GALNT17: variants seen among roughly 807,000 people sequenced by gnomAD.
The protein encoded by GALNT17 is UDP-GalNAc:polypeptide N-acetylgalactosaminyltransferase-like 3.
A neutral mutation model predicts 63.7 loss-of-function variants in GALNT17; 29 were observed. The ratio of observed to expected loss-of-function variants is 0.46; its 90% CI spans 0.34 to 0.62. GALNT17 has a LOEUF of 0.62. GALNT17 is among the 20% of genes least tolerant of loss of function. The probability of loss-of-function intolerance (pLI) is 0.01; values close to 1 mark genes in which losing one functional copy is unlikely to be tolerated. For missense variants in GALNT17, 603 were observed against 799.6 expected (o/e 0.75, Z 2.97); for synonymous variants, 305 against 318.3 (o/e 0.96, Z 0.45).
chr7:71,325,256 G>A (rs963109415), intron 1 of GALNT17, among the ~76,000 whole-genome samples: 1 of 152,184 alleles, frequency 6.6e-6, no homozygotes, highest in African/African-American at 2.4e-5. Flanking sequence ...CTAGCATAAG[G>A]TAGGATCTCC....
intron 5 of GALNT17, among the ~76,000 whole-genome samples, chr7:71,469,367 C>A (rs949630650): frequency 2.6e-5 from 4 of 152,198 alleles, no homozygotes; most frequent in African/African-American, 9.7e-5. Context: ...TGGCCTAGGA[C>A]TGGTCACGGA....
At chr7:71,500,366 A>T (rs954276524) in intron 5 of GALNT17, among the ~76,000 whole-genome samples, 4 of 152,156 alleles carry the variant, frequency 2.6e-5, no homozygotes, top group Non-Finnish European at 5.9e-5. Context: ...TGACTGCACG[A>T]TGATTTTGAA....
At chr7:71,316,646 C>T (rs1197672799) in intron 1 of GALNT17, among the ~76,000 whole-genome samples, 1 of 152,138 alleles carries the variant, frequency 6.6e-6, no homozygotes, top group Non-Finnish European at 1.5e-5. Context: ...GATGGTACCA[C>T]CCATACCCGC....
intron 1 of GALNT17, among the ~76,000 whole-genome samples, chr7:71,255,477 G>A (rs1024681856): frequency 3.3e-5 from 5 of 152,182 alleles, no homozygotes; most frequent in African/African-American, 1.2e-4. Flanking sequence ...GTCTTTGTCA[G>A]CAGTGTGAAA....
chr7:71,379,712 G>A (rs376145974), intron 2 of GALNT17, among the ~76,000 whole-genome samples: 1 of 152,068 alleles, frequency 6.6e-6, no homozygotes, highest in Admixed American at 6.6e-5. Flanking sequence ...AAAAAGAGGA[G>A]GTTTCAGTTT....
At chr7:71,284,918 T>C (rs1271951826) in intron 1 of GALNT17, among the ~76,000 whole-genome samples, 2 of 152,154 alleles carry the variant, frequency 1.3e-5, no homozygotes, top group Middle Eastern at 3.4e-3. Flanking sequence ...AGTTAACTGA[T>C]GGGTATAAAA....
chr7:71,202,642 G>A (rs923653086), intron 1 of GALNT17, among the ~76,000 whole-genome samples: 1 of 152,114 alleles, frequency 6.6e-6, no homozygotes, highest in Non-Finnish European at 1.5e-5. Context: ...TCTATGGTGA[G>A]AACATTTAAA....
At chr7:71,236,493 C>A (rs1244651686) in intron 1 of GALNT17, among the ~76,000 whole-genome samples, 1 of 152,152 alleles carries the variant, frequency 6.6e-6, no homozygotes, top group African/African-American at 2.4e-5. Context: ...AACTACACAT[C>A]CTGGGTGCCT....
chr7:71,198,017 G>C (rs1585875034), intron 1 of GALNT17, among the ~76,000 whole-genome samples: 1 of 151,902 alleles, frequency 6.6e-6, no homozygotes, highest in Non-Finnish European at 1.5e-5. Flanking sequence ...GGCCAACATG[G>C]TGAAACTGTC....
chr7:71,317,045 T>G (rs980432921), intron 1 of GALNT17, among the ~76,000 whole-genome samples: 3 of 152,224 alleles, frequency 2.0e-5, no homozygotes, highest in Non-Finnish European at 2.9e-5. Flanking sequence ...ACTGTTTGTC[T>G]TGTTCACCTG....
intron 3 of GALNT17, among the ~76,000 whole-genome samples, chr7:71,402,439 G>T (rs1466930972): frequency 6.6e-6 from 1 of 152,222 alleles, no homozygotes; most frequent in East Asian, 1.9e-4. Flanking sequence ...CATGTGCAGA[G>T]ATTTTTTTCC....
intron 9 of GALNT17, among the ~76,000 whole-genome samples, chr7:71,687,412 G>A (rs751293989): frequency 5.3e-5 from 8 of 152,174 alleles, no homozygotes; most frequent in Non-Finnish European, 1.0e-4. Flanking sequence ...ACCCCTGGTC[G>A]TCGTCGGAAA....
intron 6 of GALNT17, among the ~76,000 whole-genome samples, chr7:71,629,360 C>T (rs1790423532): frequency 6.6e-6 from 1 of 152,220 alleles, no homozygotes; most frequent in African/African-American, 2.4e-5. Flanking sequence ...CATTGAGAAT[C>T]TGATGACATC....
intron 1 of GALNT17, among the ~76,000 whole-genome samples, chr7:71,223,927 G>GTA (rs561638279): frequency 5.5e-4 from 83 of 152,096 alleles, no homozygotes; most frequent in African/African-American, 1.9e-3. Flanking sequence ...ATATTCTGTG[G>GTA]TATATATATA....
chr7:71,172,717 A>G (rs967889306), intron 1 of GALNT17, among the ~76,000 whole-genome samples: 1 of 152,196 alleles, frequency 6.6e-6, no homozygotes, highest in African/African-American at 2.4e-5. Context: ...ATAAATGTTT[A>G]CTGGATAGAT....
intron 1 of GALNT17, among the ~76,000 whole-genome samples, chr7:71,164,452 C>A (rs56942091): frequency 0.015 from 2,269 of 152,328 alleles, 56 homozygotes; most frequent in African/African-American, 0.052. Flanking sequence ...AATCACCTCC[C>A]ACTAGGATCC....
intron 3 of GALNT17, among the ~76,000 whole-genome samples, chr7:71,412,366 A>G (rs1252891294): frequency 1.4e-5 from 2 of 147,990 alleles, no homozygotes; most frequent in Non-Finnish European, 3.0e-5. Context: ...CTCCTAGGCC[A>G]TCATCTCCCT....
At chr7:71,478,296 GCCCCA>G (rs1366572863) in intron 5 of GALNT17, among the ~76,000 whole-genome samples, 1 of 151,894 alleles carries the variant, frequency 6.6e-6, no homozygotes, top group Admixed American at 6.6e-5. Context: ...CACCCTCTGA[GCCCCA>G]CCTTTGTTTG....
chr7:71,259,530 C>G (rs1291777769), intron 1 of GALNT17, among the ~76,000 whole-genome samples: 2 of 152,062 alleles, frequency 1.3e-5, no homozygotes, highest in East Asian at 3.9e-4. Context: ...ATCTCATACA[C>G]AGTTTGTGCT....
Sources: allele counts gnomAD v4.1 joint callset (sites outside exome capture counted in the v4.1 genomes callset), GRCh38; gene constraint gnomAD v4.1.1; transcripts MANE v1.5; gene names NCBI Gene and HGNC (gene_info 2026-07-23, HGNC 2026-07-21).